Variants in ENAH observed in about 807,000 individuals in gnomAD.
The protein encoded by ENAH is protein enabled homolog.
In ENAH, 23 loss-of-function variants were observed where a neutral mutation model predicts 78.7. That is an observed-to-expected ratio of 0.29 (90% CI 0.21 to 0.41). The LOEUF is 0.41. ENAH is among the 10% of genes least tolerant of loss of function. The pLI is 1.00. For synonymous variants in ENAH, 226 were observed against 241.0 expected (o/e 0.94, Z 0.58); for missense variants, 544 against 691.0 (o/e 0.79, Z 2.39).
intron 3 of ENAH, among the ~76,000 whole-genome samples, chr1:225,552,562 C>T (rs768181774): frequency 6.6e-6 from 1 of 152,204 alleles, no homozygotes; most frequent in Non-Finnish European, 1.5e-5. Flanking sequence ...GTAAATCAGA[C>T]TATTTAGAAC....
At chr1:225,613,585 T>C (rs542355996) in intron 1 of ENAH, among the ~76,000 whole-genome samples, 2 of 152,306 alleles carry the variant, frequency 1.3e-5, no homozygotes, top group African/African-American at 2.4e-5. Flanking sequence ...ACAACACTTA[T>C]TGAACCAAAG....
chr1:225,520,914 A>AAGGGAGGAAGGG (rs1378802723), intron 4 of ENAH, among the ~76,000 whole-genome samples: 1 of 90,958 alleles, frequency 1.1e-5, no homozygotes, highest in Non-Finnish European at 2.2e-5. Context: ...GAAGGGAAGG[A>AAGGGAGGAAGGG]AGGGAGGAAG....
intron 1 of ENAH, among the ~76,000 whole-genome samples, chr1:225,611,438 C>G (rs2096988288): frequency 6.6e-6 from 1 of 152,156 alleles, no homozygotes; most frequent in South Asian, 2.1e-4. Context: ...CCTCCCTCAG[C>G]CTCCTGAGTA....
intron 1 of ENAH, among the ~76,000 whole-genome samples, chr1:225,595,951 A>T (rs551699370): frequency 6.6e-6 from 1 of 152,250 alleles, no homozygotes; most frequent in Non-Finnish European, 1.5e-5. Context: ...ACTGAACTTA[A>T]GCATTTTTTC....
chr1:225,507,892 A>G lies in ENAH; in HGVS notation c.1538+59T>C. The G allele has an allele frequency of 2.5e-6, 3 of 1,214,918 alleles. No homozygotes were observed. In the South Asian group the frequency reaches 4.5e-5, roughly 18 times the overall value. The allele number at this position is 1,214,918 out of a possible 1,614,324, so 75.3% of individuals were successfully genotyped here. A position where few individuals can be genotyped will look rare whatever the true frequency, so the allele number is the denominator to read the frequency against. On this transcript the variant is annotated intron_variant, in intron 11 of 13. Coordinates refer to ENST00000366843, the MANE Select transcript of ENAH (RefSeq NM_018212.6). ...CCATTCAATTTTTTTCTACACTAAG[A>G]ATGCATTAATTTTTTTTTATACAAA...
At chr1:225,627,702 T>C (rs192905385) in intron 1 of ENAH, among the ~76,000 whole-genome samples, 25 of 152,178 alleles carry the variant, frequency 1.6e-4, no homozygotes, top group African/African-American at 6.0e-4. Context: ...ACCTCCAGAG[T>C]TGTTAATGAT....
At chr1:225,551,109 T>G (rs984497589) in intron 3 of ENAH, among the ~76,000 whole-genome samples, 3 of 152,176 alleles carry the variant, frequency 2.0e-5, no homozygotes, top group African/African-American at 7.2e-5. Flanking sequence ...TGAATCCATT[T>G]CCATGGAGAA....
rs1422099839 is a variant in ENAH, at chr1:225,493,262, T to C, written c.*4513A>G. 6.6e-6 allele frequency: 1 copy of C among 152,204 alleles called. No individual in the cohort carries two copies. Among genetic ancestry groups the C allele is most frequent in the Admixed American group, 6.5e-5 (1 of 15,272 alleles). The allele number at this position is 152,204 out of a possible 1,614,324, so 9.4% of individuals were successfully genotyped here. A position where few individuals can be genotyped will look rare whatever the true frequency, so the allele number is the denominator to read the frequency against. On this transcript the variant is annotated 3_prime_UTR_variant, in exon 14 of 14. Transcript: ENST00000366843. Reference sequence around the variant, plus strand: ...TGCATCACAGACCTCCAACAGTTCTTGGCTTCTATAAACGGACTTTCTTGA... The same window carrying C: ...TGCATCACAGACCTCCAACAGTTCTCGGCTTCTATAAACGGACTTTCTTGA...
chr1:225,630,870 G>T (rs1558936470), intron 1 of ENAH, among the ~76,000 whole-genome samples: 1 of 152,068 alleles, frequency 6.6e-6, no homozygotes, highest in African/African-American at 2.4e-5. Context: ...TTTGGAAGTT[G>T]GCAATATTAC....
chr1:225,581,337 A>T (rs1470918457), intron 1 of ENAH: 40 of 972,094 alleles, frequency 4.1e-5, no homozygotes, highest in Non-Finnish European at 4.9e-5. Context: ...AGCACCGTAG[A>T]GTTAAAAATA....
chr1:225,565,837 A>G (rs1057346338), intron 2 of ENAH, among the ~76,000 whole-genome samples: 7 of 152,184 alleles, frequency 4.6e-5, no homozygotes, highest in African/African-American at 1.7e-4. Context: ...AGCCTAGAGG[A>G]AAACGCAGGA....
chr1:225,648,295 A>G (rs1281795603), intron 1 of ENAH, among the ~76,000 whole-genome samples: 1 of 152,100 alleles, frequency 6.6e-6, no homozygotes, highest in African/African-American at 2.4e-5. Flanking sequence ...TTGAAATCAC[A>G]TTTTTTCAAA....
intron 1 of ENAH, among the ~76,000 whole-genome samples, chr1:225,603,584 GAACTGCT>G (rs1436335645): frequency 6.6e-6 from 1 of 152,036 alleles, no homozygotes; most frequent in Non-Finnish European, 1.5e-5. Context: ...AAAAGGAAAG[GAACTGCT>G]ATGTTTATTC....
intron 11 of ENAH, among the ~76,000 whole-genome samples, chr1:225,503,636 T>C (rs1031579261): frequency 3.2e-4 from 38 of 118,996 alleles, no homozygotes; most frequent in Non-Finnish European, 5.9e-4. Context: ...TAAAGAAATC[T>C]TTTGGCCAAA....
intron 3 of ENAH, among the ~76,000 whole-genome samples, chr1:225,553,870 T>C (rs1039051121): frequency 3.9e-5 from 6 of 152,220 alleles, no homozygotes; most frequent in African/African-American, 1.2e-4. Flanking sequence ...GAAGATCTGA[T>C]ACAAAACATC....
At chr1:225,616,792 A>G (rs528463725) in intron 1 of ENAH, among the ~76,000 whole-genome samples, 19 of 152,054 alleles carry the variant, frequency 1.2e-4, no homozygotes, top group Non-Finnish European at 2.5e-4. Context: ...TGGAAAACTA[A>G]CTCCACCCAT....
At chr1:225,533,518 C>A (rs918830486) in intron 3 of ENAH, among the ~76,000 whole-genome samples, 1 of 152,092 alleles carries the variant, frequency 6.6e-6, no homozygotes, top group African/African-American at 2.4e-5. Flanking sequence ...AACTAGTGAA[C>A]CTGCTTTGCT....
chr1:225,505,505 C>G (rs1234172330), intron 11 of ENAH, among the ~76,000 whole-genome samples: 1 of 152,136 alleles, frequency 6.6e-6, no homozygotes, highest in African/African-American at 2.4e-5. Flanking sequence ...TTAACAAATA[C>G]AGCAATATGC....
intron 3 of ENAH, among the ~76,000 whole-genome samples, chr1:225,543,395 T>A (rs2096598780): frequency 6.6e-6 from 1 of 152,264 alleles, no homozygotes; most frequent in Non-Finnish European, 1.5e-5. Flanking sequence ...AATGACAATG[T>A]AATAGCCAAA....
Sources: allele counts gnomAD v4.1 joint callset (sites outside exome capture counted in the v4.1 genomes callset), GRCh38; gene constraint gnomAD v4.1.1; transcripts MANE v1.5; gene names NCBI Gene and HGNC (gene_info 2026-07-23, HGNC 2026-07-21).